Variants in ELP4 observed in about 807,000 individuals in gnomAD.
The protein encoded by ELP4 is elongator acetyltransferase complex subunit 4.
A neutral mutation model predicts 48.9 loss-of-function variants in ELP4; 51 were observed. The ratio of observed to expected loss-of-function variants is 1.04; its 90% CI spans 0.83 to 1.32. ELP4 has a LOEUF of 1.32. ELP4 is among the 40% of genes most tolerant of loss of function. ELP4 has a pLI of 0.00. For synonymous variants in ELP4, 210 were observed against 189.2 expected, an observed-to-expected ratio of 1.11 and a Z score of -0.90; for missense variants, 519 against 514.6, an observed-to-expected ratio of 1.01 and a Z score of -0.08.
rs1945025180 is a variant in ELP4 at position 31,638,452 on chromosome 11, A to ATAAT, written c.927+6049_927+6052dup. On this transcript the variant is annotated intron_variant, in intron 7 of 9. Transcript: ENST00000640961. Reference sequence around the variant, plus strand: ...TTTGTCATATACCCACTGTTTTATAATAATTTGATCTGTAGAATTTTTTCC... The same window carrying ATAAT: ...TTTGTCATATACCCACTGTTTTATAATAATTAATTTGATCTGTAGAATTTTTTCC... Among the ~76,000 whole-genome samples the ATAAT allele has an allele frequency of 2.0e-5, 3 of 151,828 alleles. No homozygotes were observed. In the Admixed American group the frequency reaches 2.0e-4, roughly 10 times the overall value.
chr11:31,672,494 A>G (rs1027436604), intron 9 of ELP4, among the ~76,000 whole-genome samples: 3 of 152,184 alleles, frequency 2.0e-5, no homozygotes, highest in African/African-American at 7.2e-5. Context: ...ATGTGAATTG[A>G]AAGTAATAAT....
At chr11:31,584,965 A>G (rs1439036891) in intron 3 of ELP4, among the ~76,000 whole-genome samples, 3 of 151,986 alleles carry the variant, frequency 2.0e-5, no homozygotes, top group Non-Finnish European at 4.4e-5. Flanking sequence ...TTATTCCTCT[A>G]CTCTTCACAT....
intron 9 of ELP4, chr11:31,763,315 A>G (rs777755468): frequency 5.3e-6 from 6 of 1,124,708 alleles, no homozygotes; most frequent in Admixed American, 3.1e-5. Context: ...CAATTGAGAA[A>G]GAAAATGAGA....
chr11:31,645,228 A>C (rs1945176743), intron 7 of ELP4, among the ~76,000 whole-genome samples: 3 of 151,788 alleles, frequency 2.0e-5, no homozygotes, highest in African/African-American at 7.2e-5. Flanking sequence ...GTTTCTGGAA[A>C]ATTGTGAAAT....
At chr11:31,700,888 G>A (rs1946507968) in intron 9 of ELP4, among the ~76,000 whole-genome samples, 1 of 151,938 alleles carries the variant, frequency 6.6e-6, no homozygotes, top group South Asian at 2.1e-4. Flanking sequence ...CTTTCTCCTT[G>A]CCTATGTCAT....
intron 9 of ELP4, among the ~76,000 whole-genome samples, chr11:31,773,478 A>G (rs73477637): frequency 0.042 from 6,359 of 152,220 alleles, 466 homozygotes; most frequent in African/African-American, 0.14. Flanking sequence ...AATTGAACAC[A>G]TGTATGGGGC....
chr11:31,687,596 G>A (rs919793269), intron 9 of ELP4: 1 of 152,056 alleles, frequency 6.6e-6, no homozygotes, highest in African/African-American at 2.4e-5. Flanking sequence ...CAATTTCTTT[G>A]AAAGTAGAAA....
intron 2 of ELP4, among the ~76,000 whole-genome samples, chr11:31,538,684 TA>T (rs1956544627): frequency 1.3e-5 from 2 of 151,772 alleles, no homozygotes; most frequent in South Asian, 4.1e-4. Flanking sequence ...ATATTAATTA[TA>T]TCTAATATAA....
At chr11:31,533,079 A>G (rs924088310) in intron 2 of ELP4, among the ~76,000 whole-genome samples, 1 of 152,066 alleles carries the variant, frequency 6.6e-6, no homozygotes, top group Non-Finnish European at 1.5e-5. Context: ...CCCGGCCACA[A>G]GTACAGATTT....
chr11:31,692,024 T>C (rs1020090838), intron 9 of ELP4, among the ~76,000 whole-genome samples: 1 of 152,184 alleles, frequency 6.6e-6, no homozygotes, highest in Admixed American at 6.6e-5. Flanking sequence ...AAGCATTTTG[T>C]CTATGCAACA....
At chr11:31,593,625 A>G (rs1957625811) in intron 3 of ELP4, among the ~76,000 whole-genome samples, 1 of 152,208 alleles carries the variant, frequency 6.6e-6, no homozygotes, top group Non-Finnish European at 1.5e-5. Context: ...AGACACAGCT[A>G]CTAGTGCAAA....
intron 9 of ELP4, among the ~76,000 whole-genome samples, chr11:31,702,656 A>G (rs1424752257): frequency 1.3e-5 from 2 of 152,148 alleles, no homozygotes; most frequent in African/African-American, 4.8e-5. Context: ...GTTAGCATTT[A>G]GTCTTTAACC....
chr11:31,686,402 T>A (rs1946162188), intron 9 of ELP4, among the ~76,000 whole-genome samples: 1 of 151,834 alleles, frequency 6.6e-6, no homozygotes, highest in East Asian at 1.9e-4. Context: ...TCACTATAAT[T>A]AGATGCAAGC....
chr11:31,560,275 C>G (rs1289362819), intron 3 of ELP4, among the ~76,000 whole-genome samples: 1 of 152,024 alleles, frequency 6.6e-6, no homozygotes, highest in East Asian at 1.9e-4. Flanking sequence ...TCTATGATCT[C>G]TGTTTAAGAA....
intron 5 of ELP4, among the ~76,000 whole-genome samples, chr11:31,617,266 A>G (rs1038800828): frequency 6.6e-6 from 1 of 152,142 alleles, no homozygotes; most frequent in South Asian, 2.1e-4. Context: ...ATAAATACAT[A>G]TGTAAAAATA....
Position 31,790,120 on chromosome 11 carries a change from ACTAAT to A in ELP4, c.*6597_*6601del, listed in dbSNP as rs1949389415. ...TACAAAAAAAAAAAAAAAAAAAAAA[ACTAAT>A]ACTTTCTAACATTTTTTACTGTATT... is the stretch of plus-strand genomic sequence containing the variant. On this transcript the variant is annotated 3_prime_UTR_variant, in exon 10 of 10. Transcript: ENST00000640961. 1 of 759,764 alleles carries A rather than the reference ACTAAT, an allele frequency of 1.3e-6. No homozygotes were observed. Among genetic ancestry groups the A allele is most frequent in the Admixed American group, 2.8e-5 (1 of 35,984 alleles). The allele number at this position is 759,764 out of a possible 1,614,324, so 47.1% of individuals were successfully genotyped here.
intron 9 of ELP4, among the ~76,000 whole-genome samples, chr11:31,779,201 C>A (rs1948315042): frequency 6.6e-6 from 1 of 152,198 alleles, no homozygotes; most frequent in African/African-American, 2.4e-5. Context: ...TATACTACAT[C>A]AGTTGTTTTC....
At position 31,786,635 on chromosome 11, in the gene ELP4, C is replaced by T. The variant is rs1227142449; in HGVS notation, c.*3111C>T. 4.4e-6 allele frequency: 1 copy of T among 225,366 alleles called. No homozygotes were observed. The highest frequency in any genetic ancestry group is 8.8e-6 in the Non-Finnish European group (1 of 113,302). 14.0% of individuals were successfully genotyped at this position (225,366 alleles called of 1,614,324 possible). A position where few individuals can be genotyped will look rare whatever the true frequency, so the allele number is the denominator to read the frequency against. On this transcript the variant is annotated 3_prime_UTR_variant, in exon 10 of 10. Coordinates refer to ENST00000640961, the MANE Select transcript of ELP4 (RefSeq NM_019040.5). The stretch of plus-strand genomic sequence containing the variant: ...CTAAGATGACATTCACAGAACAAAG[C>T]TGAATCTTCAAATAATACTGTATGA...
chr11:31,763,350 C>G lies in ELP4; in HGVS notation c.1144-20043C>G, dbSNP rs1947985184. 4 of 1,458,194 alleles carry G rather than the reference C, an allele frequency of 2.7e-6. No homozygotes were observed. The African/African-American group carries it at 5.7e-5, about 21-fold the overall frequency. 90.3% of individuals were successfully genotyped at this position (1,458,194 alleles called of 1,614,324 possible). A position where few individuals can be genotyped will look rare whatever the true frequency, so the allele number is the denominator to read the frequency against. Reference sequence around the variant, plus strand: ...ATGTTAGCTTTTTCCCCCTCTAATCCTTCTCCATCCCTTCAAAATTACTGT... The same window carrying G: ...ATGTTAGCTTTTTCCCCCTCTAATCGTTCTCCATCCCTTCAAAATTACTGT... On this transcript the variant is annotated intron_variant, in intron 9 of 9. Coordinates refer to ENST00000640961, the MANE Select transcript of ELP4 (RefSeq NM_019040.5).
Sources: gnomAD v4.1 joint callset for allele counts (sites outside exome capture counted in the v4.1 genomes callset) on GRCh38, gnomAD v4.1.1 for gene constraint, MANE v1.5 for transcripts, NCBI Gene and HGNC (gene_info 2026-07-23, HGNC 2026-07-21) for gene names.